The following PIP4P2 variants were observed in gnomAD, a reference collection of about 807,000 sequenced individuals.
PIP4P2 encodes the protein phosphatidylinositol-4,5-bisphosphate 4-phosphatase 2.
Under a neutral mutation model 33.3 loss-of-function variants are expected in PIP4P2, and 19 were observed. That is an observed-to-expected ratio of 0.57 (90% confidence interval 0.40 to 0.84). The LOEUF (loss-of-function observed/expected upper bound fraction) is 0.84, where lower values mean the gene tolerates loss of function less well. Among genes scored for constraint, PIP4P2 ranks in the 40% least tolerant of loss-of-function variants. The pLI is 0.00. For synonymous variants in PIP4P2, 110 were observed against 111.9 expected, an observed-to-expected ratio of 0.98 and a Z score of 0.11; for missense variants, 270 against 324.7, an observed-to-expected ratio of 0.83 and a Z score of 1.29.
chr8:91,000,438 A>G (rs566982039), intron 5 of PIP4P2, among the ~76,000 whole-genome samples: 221 of 150,616 alleles, frequency 1.5e-3, no homozygotes, highest in African/African-American at 5.2e-3. Flanking sequence ...GATGGTAGAT[A>G]CCCTGGGTTT....
intron 4 of PIP4P2, among the ~76,000 whole-genome samples, chr8:91,012,636 T>G (rs1811854647): frequency 6.6e-6 from 1 of 152,146 alleles, no homozygotes; most frequent in African/African-American, 2.4e-5. Context: ...CAAAACATCT[T>G]TTCTTGCTAA....
At chr8:91,039,990 C>T (rs1321870495) in intron 1 of PIP4P2, among the ~76,000 whole-genome samples, 2 of 152,168 alleles carry the variant, frequency 1.3e-5, no homozygotes, top group African/African-American at 4.8e-5. Context: ...ATCTTCCCTT[C>T]TATGAGAAGT....
In PIP4P2 at chr8:90,995,243, A is replaced by G. The variant is rs1586172109; in HGVS notation, c.*434T>C. 2 of 152,540 alleles carry G rather than the reference A, an allele frequency of 1.3e-5. No individual in the cohort carries two copies. Among genetic ancestry groups the G allele is most frequent in the African/African-American group, 2.4e-5 (1 of 41,428 alleles). 9.4% of individuals were successfully genotyped at this position (152,540 alleles called of 1,614,324 possible). A position where few individuals can be genotyped will look rare whatever the true frequency, so the allele number is the denominator to read the frequency against. ...ACAGTAAGCAGTTCAAGCAAAATGC[A>G]TATTGCTTAGGTTTTAAGCAAGCAA... On this transcript the variant is annotated 3_prime_UTR_variant, in exon 7 of 7. Transcript: ENST00000285419.
chr8:91,032,402 CAG>C (rs1177522811), intron 1 of PIP4P2, among the ~76,000 whole-genome samples: 1 of 152,124 alleles, frequency 6.6e-6, no homozygotes, highest in Non-Finnish European at 1.5e-5. Flanking sequence ...CATAAAATAA[CAG>C]AAACAGCAGG....
intron 5 of PIP4P2, among the ~76,000 whole-genome samples, chr8:91,008,515 G>C (rs1040782982): frequency 2.0e-5 from 3 of 152,064 alleles, no homozygotes; most frequent in African/African-American, 7.2e-5. Context: ...TCTTATAATA[G>C]AAATTGATTT....
At chr8:90,996,575 G>A in intron 6 of PIP4P2, 79 bp downstream of exon 6, 1 of 1,218,160 alleles carries the variant, frequency 8.2e-7, no homozygotes, top group Non-Finnish European at 1.1e-6. Flanking sequence ...AGGAATCCCT[G>A]AAGGTTGTCC....
chr8:91,015,088 A>G (rs1179597263), intron 4 of PIP4P2, among the ~76,000 whole-genome samples: 1 of 152,162 alleles, frequency 6.6e-6, no homozygotes, highest in Non-Finnish European at 1.5e-5. Context: ...GCACGAATAA[A>G]AAGTCACTCT....
At chr8:91,003,424 A>AT (rs1811725766) in intron 5 of PIP4P2, among the ~76,000 whole-genome samples, 1 of 152,228 alleles carries the variant, frequency 6.6e-6, no homozygotes, top group African/African-American at 2.4e-5. Flanking sequence ...ATGGAGAATG[A>AT]TAAAAAATAC....
chr8:91,002,491 T>C (rs1811711840), intron 5 of PIP4P2, among the ~76,000 whole-genome samples: 1 of 152,118 alleles, frequency 6.6e-6, no homozygotes, highest in Admixed American at 6.6e-5. Flanking sequence ...GCTACAGGAA[T>C]TTATAAGGGG....
chr8:90,998,674 T>C (rs1811661966), intron 5 of PIP4P2, among the ~76,000 whole-genome samples: 1 of 152,080 alleles, frequency 6.6e-6, no homozygotes, highest in East Asian at 1.9e-4. Flanking sequence ...AAGGATTCCC[T>C]ATTCAATAAA....
chr8:91,024,492 T>C (rs1812055587), intron 1 of PIP4P2: 2 of 274,656 alleles, frequency 7.3e-6, no homozygotes, highest in Non-Finnish European at 1.5e-5. Flanking sequence ...GGCATAATCA[T>C]AGCTCAATAC....
intron 1 of PIP4P2, among the ~76,000 whole-genome samples, chr8:91,028,823 T>C (rs1417324196): frequency 2.0e-5 from 3 of 152,222 alleles, no homozygotes; most frequent in Admixed American, 1.3e-4. Context: ...GGCTGCTTCA[T>C]AACTGAAGTG....
chr8:91,003,957 A>AGAT (rs1811733485), intron 5 of PIP4P2, among the ~76,000 whole-genome samples: 1 of 111,856 alleles, frequency 8.9e-6, no homozygotes, highest in Non-Finnish European at 2.0e-5. Flanking sequence ...GGAGATAGAT[A>AGAT]GATAGATAGA....
At position 90,995,779 on chromosome 8, in the gene PIP4P2, A is replaced by G; in HGVS notation, c.672T>C (p.Tyr224=). The change falls in exon 7 of 7, where the codon TAT becomes TAC. Residue 224 remains tyrosine, a synonymous_variant. Transcript: ENST00000285419. ...PDFARRFRAT[Y]VSWAIAYLLG... is the part of the protein sequence containing the mutation. ...GGAGATAAGCAATTGCCCAAGAAAC[A>G]TAGGTTGCTCGAAATCGCCTTGCAA... 6.2e-7 allele frequency: 1 copy of G among 1,611,368 alleles called. No individual in the cohort carries two copies. The highest frequency in any genetic ancestry group is 8.5e-7 in the Non-Finnish European group (1 of 1,179,078).
In PIP4P2 at chr8:91,040,634, C is replaced by T. The variant is rs767176136; in HGVS notation, c.106+10G>A. ...TCCTTGCAAAGTAGAGGGATCTACG[C>T]TGGCCTTACCTCTGGGGCTGCTTTC... On this transcript the variant is annotated intron_variant, in intron 1 of 6. Transcript: ENST00000285419. The T allele has an allele frequency of 1.9e-6, 3 of 1,613,702 alleles. No individual in the cohort carries two copies. The highest frequency in any genetic ancestry group is 1.1e-5 in the South Asian group (1 of 91,056).
At chr8:91,025,992 A>C (rs1005419675) in intron 1 of PIP4P2, among the ~76,000 whole-genome samples, 16 of 152,202 alleles carry the variant, frequency 1.1e-4, no homozygotes, top group African/African-American at 4.8e-5. Context: ...GGAAAAATTC[A>C]TCTGGCTGAA....
At chr8:91,007,824 C>T (rs1811782031) in intron 5 of PIP4P2, among the ~76,000 whole-genome samples, 1 of 152,182 alleles carries the variant, frequency 6.6e-6, no homozygotes, top group South Asian at 2.1e-4. Context: ...TTATGCTAAA[C>T]ATAAATTCCA....
chr8:91,038,455 A>C (rs1183556580), intron 1 of PIP4P2, among the ~76,000 whole-genome samples: 4 of 152,204 alleles, frequency 2.6e-5, no homozygotes, highest in Non-Finnish European at 2.9e-5. Context: ...TTCAACTACC[A>C]AAAACATCTG....
At chr8:90,997,795 G>A (rs1811647969) in intron 5 of PIP4P2, among the ~76,000 whole-genome samples, 1 of 152,016 alleles carries the variant, frequency 6.6e-6, no homozygotes, top group South Asian at 2.1e-4. Flanking sequence ...TGATGAATAA[G>A]TAAAATACAG....
Sources: allele counts gnomAD v4.1 joint callset (sites outside exome capture counted in the v4.1 genomes callset), GRCh38; gene constraint gnomAD v4.1.1; transcripts MANE v1.5; gene names NCBI Gene and HGNC (gene_info 2026-07-23, HGNC 2026-07-21).